The following RNF38 variants were observed in gnomAD, a reference collection of about 807,000 sequenced individuals.
RNF38 encodes E3 ubiquitin-protein ligase RNF38.
Under a neutral mutation model 67.2 loss-of-function variants are expected in RNF38, and 15 were observed. That is an observed-to-expected ratio of 0.22 (90% confidence interval 0.15 to 0.34). The LOEUF (loss-of-function observed/expected upper bound fraction) is 0.34. RNF38 is among the 10% of genes least tolerant of loss of function. The pLI, the probability that RNF38 is intolerant of heterozygous loss-of-function variation, is 1.00. For missense variants in RNF38, 524 were observed against 639.9 expected (o/e 0.82, Z 1.95); for synonymous variants, 220 against 218.8 (o/e 1.01, Z -0.05).
intron 1 of RNF38, among the ~76,000 whole-genome samples, chr9:36,428,972 A>G (rs1235822447): frequency 6.6e-6 from 1 of 152,194 alleles, no homozygotes; most frequent in African/African-American, 2.4e-5. Context: ...GCAATTGCTT[A>G]ATTCATTAAG....
At chr9:36,390,020 C>T (rs552839775) in intron 2 of RNF38, among the ~76,000 whole-genome samples, 73 of 152,292 alleles carry the variant, frequency 4.8e-4, no homozygotes, top group South Asian at 2.1e-4. Context: ...TTTTAACTCA[C>T]GTTTACCCAC....
Position 36,482,478 on chromosome 9 carries a change from A to T in RNF38, n.241+4830T>A, listed in dbSNP as rs28626541. Among the ~76,000 whole-genome samples, 970 of 150,998 alleles carry T rather than the reference A, an allele frequency of 6.4e-3. 9 individuals are homozygous for T. The highest frequency in any genetic ancestry group is 0.022 in the African/African-American group (905 of 41,098). The stretch of plus-strand genomic sequence containing the variant: ...AGCGATTCTCCTGCCTCAGCCTCCA[A>T]AGTAGCTGGGATTACAGGCATGCGC... On this transcript the variant is annotated intron_variant and non_coding_transcript_variant, in intron 1 of 3. Coordinates refer to the RNF38 transcript ENST00000488058.
intron 2 of RNF38, among the ~76,000 whole-genome samples, chr9:36,383,671 T>C (rs1836373530): frequency 6.6e-6 from 1 of 152,210 alleles, no homozygotes; most frequent in Non-Finnish European, 1.5e-5. Flanking sequence ...ACAACTAATA[T>C]ATTCTCCTGA....
At chr9:36,435,784 G>A (rs1839051472) in intron 1 of RNF38, among the ~76,000 whole-genome samples, 1 of 151,850 alleles carries the variant, frequency 6.6e-6, no homozygotes, top group Non-Finnish European at 1.5e-5. Context: ...TGCCTGCCAC[G>A]ACGCCCGGCT....
intron 1 of RNF38, among the ~76,000 whole-genome samples, chr9:36,478,110 T>C (rs1184446964): frequency 6.6e-6 from 1 of 152,094 alleles, no homozygotes; most frequent in African/African-American, 2.4e-5. Flanking sequence ...CAAGACTTCT[T>C]AGAAGCACAT....
chr9:36,364,856 A>C (rs1834825713), intron 4 of RNF38, among the ~76,000 whole-genome samples: 1 of 152,218 alleles, frequency 6.6e-6, no homozygotes, highest in Admixed American at 6.5e-5. Context: ...TATCTAGGTG[A>C]TGCTGCTGCT....
intron 1 of RNF38, among the ~76,000 whole-genome samples, chr9:36,472,842 A>G (rs924263799): frequency 6.6e-6 from 1 of 152,236 alleles, no homozygotes; most frequent in South Asian, 2.1e-4. Flanking sequence ...ACGGTGGCTC[A>G]TATCTGTAAT....
rs537295702 is a variant in RNF38, at chr9:36,474,518, G to A, written n.241+12790C>T. ...AAAGTAAGATGCAGTAAAGCATGAC[G>A]GCTAAAAATACAGATTCTGGAATTA... On this transcript the variant is annotated intron_variant and non_coding_transcript_variant, in intron 1 of 3. Transcript: ENST00000488058. Among the ~76,000 whole-genome samples the A allele has an allele frequency of 1.0e-4, 15 of 147,930 alleles. 2 individuals are homozygous for A. Among genetic ancestry groups the A allele is most frequent in the African/African-American group, 3.5e-4 (14 of 39,970 alleles).
chr9:36,419,512 G>A (rs1410404057), intron 2 of RNF38, among the ~76,000 whole-genome samples: 1 of 152,188 alleles, frequency 6.6e-6, no homozygotes, highest in African/African-American at 2.4e-5. Context: ...GAGGCTACAA[G>A]TTAATTCACC....
At chr9:36,421,317 T>C (rs1366252007) in intron 2 of RNF38, among the ~76,000 whole-genome samples, 1 of 152,350 alleles carries the variant, frequency 6.6e-6, no homozygotes, top group East Asian at 1.9e-4. Context: ...GGGTTACCCC[T>C]GAACAAGTAA....
At chr9:36,451,456 A>G (rs1186451758) in intron 1 of RNF38, among the ~76,000 whole-genome samples, 1 of 150,970 alleles carries the variant, frequency 6.6e-6, no homozygotes, top group African/African-American at 2.4e-5. Context: ...ACAAGAGTGA[A>G]ACTCCATCTT....
intron 1 of RNF38, among the ~76,000 whole-genome samples, chr9:36,448,549 A>G (rs1299082649): frequency 6.6e-6 from 1 of 152,188 alleles, no homozygotes; most frequent in Non-Finnish European, 1.5e-5. Context: ...GTTGTGTGAT[A>G]TTATTCAAGT....
At chr9:36,415,587 C>T (rs1174921268) in intron 2 of RNF38, among the ~76,000 whole-genome samples, 1 of 152,152 alleles carries the variant, frequency 6.6e-6, no homozygotes, top group African/African-American at 2.4e-5. Context: ...ATTGTTGCTG[C>T]TCTTCTGCAT....
intron 1 of RNF38, among the ~76,000 whole-genome samples, chr9:36,394,796 G>GT (rs1177471848): frequency 4.6e-5 from 7 of 152,104 alleles, no homozygotes; most frequent in African/African-American, 1.7e-4. Context: ...AGTTTGATTA[G>GT]TAAGTATCAA....
At chr9:36,359,859 C>G (rs766678296) in intron 4 of RNF38, among the ~76,000 whole-genome samples, 2 of 151,876 alleles carry the variant, frequency 1.3e-5, no homozygotes. Flanking sequence ...AATTCTCCTA[C>G]CTTAGCCCCG....
At chr9:36,347,144 G>T (rs1833309386) in intron 9 of RNF38, among the ~76,000 whole-genome samples, 2 of 56,372 alleles carry the variant, frequency 3.5e-5, no homozygotes, top group Admixed American at 2.2e-4. Flanking sequence ...GGGGGGGGGG[G>T]GGGGGAAGTA....
At chr9:36,372,029 C>G (rs1414095390) in intron 3 of RNF38, among the ~76,000 whole-genome samples, 1 of 151,544 alleles carries the variant, frequency 6.6e-6, no homozygotes, top group Non-Finnish European at 1.5e-5. Flanking sequence ...CTCCTGGGTT[C>G]AAGCGATTCT....
chr9:36,350,187 GT>G (rs1563999342), intron 9 of RNF38, among the ~76,000 whole-genome samples: 1 of 152,192 alleles, frequency 6.6e-6, no homozygotes, highest in African/African-American at 2.4e-5. Flanking sequence ...TCAAAAACTG[GT>G]TGACTGTTGT....
chr9:36,375,510 GA>G (rs1411550037), intron 3 of RNF38, among the ~76,000 whole-genome samples: 2 of 152,160 alleles, frequency 1.3e-5, no homozygotes, highest in African/African-American at 4.8e-5. Flanking sequence ...GGGTTTATAA[GA>G]AACATAATTA....
Sources: gnomAD v4.1 joint callset for allele counts (sites outside exome capture counted in the v4.1 genomes callset) on GRCh38, gnomAD v4.1.1 for gene constraint, MANE v1.5 for transcripts, NCBI Gene and HGNC (gene_info 2026-07-23, HGNC 2026-07-21) for gene names.